The following ATRNL1 variants were observed in gnomAD, a reference collection of about 807,000 sequenced individuals.
ATRNL1 encodes the protein attractin like 1, also known as attractin-like protein 1.
A neutral mutation model predicts 182.7 loss-of-function variants in ATRNL1; 95 were observed. The observed-to-expected ratio is 0.52, with a 90% confidence interval of 0.44 to 0.62. ATRNL1 has a LOEUF of 0.62. Among genes scored for constraint, ATRNL1 ranks in the 20% least tolerant of loss-of-function variants. The probability of loss-of-function intolerance (pLI) is 0.00; values close to 1 mark genes in which losing one functional copy is unlikely to be tolerated. For missense variants in ATRNL1, 1,471 were observed against 1,679.5 expected, an observed-to-expected ratio of 0.88 and a Z score of 2.17; for synonymous variants, 576 against 568.3, an observed-to-expected ratio of 1.01 and a Z score of -0.19.
chr10:115,619,425 C>G (rs1555021924), intron 26 of ATRNL1, among the ~76,000 whole-genome samples: 1 of 151,724 alleles, frequency 6.6e-6, no homozygotes, highest in Non-Finnish European at 1.5e-5. Context: ...CCTGAGCAAA[C>G]TGATTCTCAG....
chr10:115,751,140 T>A (rs1948436613), intron 27 of ATRNL1, among the ~76,000 whole-genome samples: 1 of 151,936 alleles, frequency 6.6e-6, no homozygotes, highest in South Asian at 2.1e-4. Context: ...TCAGAGGAGA[T>A]GTATCTGATG....
At chr10:115,234,781 G>A (rs1850109014) in intron 9 of ATRNL1, among the ~76,000 whole-genome samples, 1 of 151,820 alleles carries the variant, frequency 6.6e-6, no homozygotes, top group African/African-American at 2.4e-5. Flanking sequence ...TAGGGACCGG[G>A]TTTTGCTATG....
chr10:115,239,058 A>G (rs1316842507), intron 9 of ATRNL1, among the ~76,000 whole-genome samples: 1 of 152,150 alleles, frequency 6.6e-6, no homozygotes, highest in African/African-American at 2.4e-5. Context: ...CCAGCCTAGC[A>G]TACTTGGAAT....
At chr10:115,572,612 A>C (rs1854466214) in intron 26 of ATRNL1, among the ~76,000 whole-genome samples, 1 of 152,192 alleles carries the variant, frequency 6.6e-6, no homozygotes, top group Non-Finnish European at 1.5e-5. Context: ...GAGATTCAAG[A>C]GGGGAAGGTT....
At chr10:115,461,638 G>A (rs1234155830) in intron 21 of ATRNL1, among the ~76,000 whole-genome samples, 1 of 151,910 alleles carries the variant, frequency 6.6e-6, no homozygotes, top group East Asian at 1.9e-4. Flanking sequence ...TAAAATTATA[G>A]ATAATTTTTA....
intron 27 of ATRNL1, among the ~76,000 whole-genome samples, chr10:115,796,297 CA>C (rs2134223500): frequency 6.6e-6 from 1 of 152,124 alleles, no homozygotes; most frequent in Admixed American, 6.5e-5. Context: ...CTCCTCACCC[CA>C]ATGGGGCTCT....
At chr10:115,468,502 T>C (rs1339321551) in intron 23 of ATRNL1, among the ~76,000 whole-genome samples, 3 of 150,810 alleles carry the variant, frequency 2.0e-5, no homozygotes, top group African/African-American at 7.3e-5. Context: ...TTACTATTGA[T>C]TAAGGTGAAA....
intron 26 of ATRNL1, among the ~76,000 whole-genome samples, chr10:115,556,942 T>C (rs782636450): frequency 3.4e-4 from 52 of 151,518 alleles, no homozygotes; most frequent in Non-Finnish European, 5.3e-4. Context: ...CCATCAGATA[T>C]ACAAAATCAG....
intron 26 of ATRNL1, among the ~76,000 whole-genome samples, chr10:115,575,632 T>C (rs1333512468): frequency 6.6e-6 from 1 of 152,134 alleles, no homozygotes; most frequent in Non-Finnish European, 1.5e-5. Context: ...TTTGCAAATA[T>C]TCTTTTTTAT....
intron 26 of ATRNL1, among the ~76,000 whole-genome samples, chr10:115,680,995 C>T (rs1555044552): frequency 6.6e-6 from 1 of 152,058 alleles, no homozygotes; most frequent in East Asian, 1.9e-4. Flanking sequence ...ATAGTGTATC[C>T]ATATTTGAAG....
At chr10:115,745,093 T>G (rs1286214620) in intron 27 of ATRNL1, among the ~76,000 whole-genome samples, 7 of 151,978 alleles carry the variant, frequency 4.6e-5, no homozygotes, top group African/African-American at 1.7e-4. Context: ...TTTGTGCCTT[T>G]ATAGTTTTGC....
In ATRNL1 at chr10:115,266,946, A is replaced by T; in HGVS notation, c.1922A>T (p.Glu641Val). The change falls in exon 12 of 29, where the codon GAA becomes GTA. Residue 641 changes from glutamate to valine, a missense_variant. Transcript: ENST00000355044. ...TGTGTTTGGAATAAAAATCACTGTGAATCTTGGGAATCTGGGAATACTAAT... is the reference window on the plus strand; with the variant it reads ...TGTGTTTGGAATAAAAATCACTGTGTATCTTGGGAATCTGGGAATACTAAT... ...IKCVWNKNHC[E>V]SWESGNTNNI... The T allele has an allele frequency of 6.2e-7, 1 of 1,612,202 alleles. No homozygotes were observed. The highest frequency in any genetic ancestry group is 8.5e-7 in the Non-Finnish European group (1 of 1,178,842).
intron 1 of ATRNL1, among the ~76,000 whole-genome samples, chr10:115,117,029 A>C (rs940389283): frequency 8.6e-5 from 13 of 152,042 alleles, no homozygotes; most frequent in Non-Finnish European, 1.5e-5. Context: ...GGTAGCTCCT[A>C]CAATATATGT....
intron 26 of ATRNL1, among the ~76,000 whole-genome samples, chr10:115,604,430 A>G (rs782623154): frequency 3.8e-4 from 58 of 152,158 alleles, no homozygotes; most frequent in Non-Finnish European, 6.2e-4. Flanking sequence ...TTGGAGCTCA[A>G]CTGTCTTCCA....
intron 6 of ATRNL1, among the ~76,000 whole-genome samples, chr10:115,160,930 G>A (rs1846755111): frequency 6.6e-6 from 1 of 151,902 alleles, no homozygotes; most frequent in African/African-American, 2.4e-5. Context: ...GCATAATGGT[G>A]TATACACAAT....
chr10:115,715,017 A>C (rs1947205025), intron 26 of ATRNL1, among the ~76,000 whole-genome samples: 1 of 152,198 alleles, frequency 6.6e-6, no homozygotes, highest in Non-Finnish European at 1.5e-5. Context: ...AAGACGCTGC[A>C]AAGTTTTTGG....
At chr10:115,277,751 G>C (rs12769986) in intron 13 of ATRNL1, among the ~76,000 whole-genome samples, 10 of 151,898 alleles carry the variant, frequency 6.6e-5, no homozygotes. Flanking sequence ...TCTGAACCTG[G>C]GTATATGTAA....
At chr10:115,742,630 C>T (rs1229815200) in intron 27 of ATRNL1, among the ~76,000 whole-genome samples, 1 of 152,140 alleles carries the variant, frequency 6.6e-6, no homozygotes, top group Non-Finnish European at 1.5e-5. Flanking sequence ...GCCTGTTCTA[C>T]AGCCTAAGTA....
chr10:115,495,052 G>A (rs1410292843), intron 24 of ATRNL1, among the ~76,000 whole-genome samples: 3 of 151,518 alleles, frequency 2.0e-5, no homozygotes, highest in South Asian at 2.1e-4. Context: ...TTTCTTCCTC[G>A]TTCAATCTTG....
Sources: gnomAD v4.1 joint callset for allele counts (sites outside exome capture counted in the v4.1 genomes callset) on GRCh38, gnomAD v4.1.1 for gene constraint, MANE v1.5 for transcripts, NCBI Gene and HGNC (gene_info 2026-07-23, HGNC 2026-07-21) for gene names.